IL22RA2: variants seen among roughly 807,000 people sequenced by gnomAD.
IL22RA2 encodes the protein interleukin 22 receptor subunit alpha 2, also known as interleukin-22 receptor subunit alpha-2.
IL22RA2 carries 39 observed loss-of-function variants against 30.7 expected under a neutral mutation model. The ratio of observed to expected loss-of-function variants is 1.27; its 90% CI spans 0.98 to 1.66. IL22RA2 has a LOEUF of 1.66. Among genes scored for constraint, IL22RA2 ranks in the 40% most tolerant of loss-of-function variants. The pLI, the probability that IL22RA2 is intolerant of heterozygous loss-of-function variation, is 0.00. For synonymous variants in IL22RA2, 103 were observed against 105.0 expected (o/e 0.98, Z 0.11); for missense variants, 315 against 312.7 (o/e 1.01, Z -0.05).
At chr6:137,164,455 G>T (rs1778587558) in intron 1 of IL22RA2, among the ~76,000 whole-genome samples, 1 of 152,204 alleles carries the variant, frequency 6.6e-6, no homozygotes, top group Admixed American at 6.5e-5. Flanking sequence ...ACAATAGAAA[G>T]AAACTGCAAG....
chr6:137,148,050 T>A (rs1778215816), intron 5 of IL22RA2, among the ~76,000 whole-genome samples, 159 bp from the exon 6 acceptor site: 1 of 152,174 alleles, frequency 6.6e-6, no homozygotes. Context: ...CTATAGCTTG[T>A]GTGGCATAGT....
intron 2 of IL22RA2, among the ~76,000 whole-genome samples, chr6:137,158,942 G>A (rs143181355): frequency 3.5e-4 from 54 of 152,150 alleles, no homozygotes; most frequent in Middle Eastern, 3.4e-3. Context: ...CCCTCCTTTC[G>A]CAGGTTCTTG....
At chr6:137,164,742 G>A (rs1778594906) in intron 1 of IL22RA2, among the ~76,000 whole-genome samples, 1 of 152,224 alleles carries the variant, frequency 6.6e-6, no homozygotes, top group African/African-American at 2.4e-5. Flanking sequence ...CCGTGCCCAA[G>A]CAATGCAGAT....
chr6:137,147,881 A>T lies in IL22RA2; in HGVS notation c.483T>A (p.Asp161Glu). 3.7e-6 allele frequency: 6 copies of T among 1,609,302 alleles called. No homozygotes were observed. Among genetic ancestry groups the T allele is most frequent in the East Asian group, 2.2e-5 (1 of 44,794 alleles). The change falls in exon 6 of 7, where the codon GAT becomes GAA. Residue 161 changes from aspartate to glutamate, a missense_variant. Asp to Glu is a conservative substitution (Grantham distance 45). Coordinates refer to ENST00000296980, the MANE Select transcript of IL22RA2 (RefSeq NM_052962.3). ...RFTPWWETKI[D>E]PPVMNITQVN... ...CTTGGGTTATATTCATGACTGGAGGATCTATTTTTGCTGAAGAAAAAACAT... is the reference window on the plus strand; with the variant it reads ...CTTGGGTTATATTCATGACTGGAGGTTCTATTTTTGCTGAAGAAAAAACAT...
At chr6:137,154,620 AACACACACACAC>A (rs10682551) in intron 5 of IL22RA2, among the ~76,000 whole-genome samples, 3 of 148,416 alleles carry the variant, frequency 2.0e-5, no homozygotes, top group African/African-American at 5.0e-5. Flanking sequence ...GTCACACACA[AACACACACACAC>A]ACACACACAC....
chr6:137,150,714 T>C (rs539251177), intron 5 of IL22RA2, among the ~76,000 whole-genome samples: 12 of 152,282 alleles, frequency 7.9e-5, no homozygotes, highest in African/African-American at 2.6e-4. Flanking sequence ...ATCACACTGA[T>C]CTGTGAATTC....
intron 6 of IL22RA2, 51 bp from the exon 7 acceptor site, chr6:137,145,824 A>C (rs944950419): frequency 1.2e-6 from 2 of 1,601,602 alleles, no homozygotes; most frequent in Non-Finnish European, 1.7e-6. Context: ...CCATTAAGTC[A>C]CAGCTGCATT....
At chr6:137,164,083 A>G (rs9494678) in intron 1 of IL22RA2, among the ~76,000 whole-genome samples, 12,061 of 152,232 alleles carry the variant, frequency 0.079, 1,169 homozygotes, top group African/African-American at 0.23. Context: ...GTGAAAGTGC[A>G]TCACAAGGGA....
intron 5 of IL22RA2, among the ~76,000 whole-genome samples, chr6:137,154,728 T>C (rs530713736): frequency 6.6e-6 from 1 of 152,200 alleles, no homozygotes; most frequent in South Asian, 2.1e-4. Flanking sequence ...GATTGCGAGA[T>C]TGGAGCAATG....
chr6:137,168,186 G>A (rs1458296132), intron 1 of IL22RA2, among the ~76,000 whole-genome samples: 1 of 152,160 alleles, frequency 6.6e-6, no homozygotes, highest in Non-Finnish European at 1.5e-5. Flanking sequence ...CTAAAACTCT[G>A]TTATACCAGA....
chr6:137,154,812 G>A, intron 5 of IL22RA2, 129 bp downstream of exon 5: 1 of 728,236 alleles, frequency 1.4e-6, no homozygotes, highest in Non-Finnish European at 2.4e-6. Context: ...GAGTTGTTCT[G>A]ACAATTAGAC....
chr6:137,146,330 C>G (rs1337285416), intron 6 of IL22RA2, among the ~76,000 whole-genome samples: 1 of 152,176 alleles, frequency 6.6e-6, no homozygotes, highest in East Asian at 1.9e-4. Context: ...CCCCACCTGG[C>G]CTTCTTTTTA....
chr6:137,151,081 T>C (rs942655300), intron 5 of IL22RA2, among the ~76,000 whole-genome samples: 1 of 152,036 alleles, frequency 6.6e-6, no homozygotes, highest in African/African-American at 2.4e-5. Context: ...ATCTGGGTGG[T>C]TAGAGAATTG....
At position 137,144,738 on chromosome 6, in the gene IL22RA2, A is replaced by G. The variant is rs986685562; in HGVS notation, c.*886T>C. On this transcript the variant is annotated 3_prime_UTR_variant, in exon 7 of 7. Transcript: ENST00000296980. ...ACCATCATTCATGGGATCCTCCTAT[A>G]TAGAGATGAGGAAGGCGCCACAAGC... The G allele has an allele frequency of 6.6e-5, 10 of 152,214 alleles. No individual in the cohort carries two copies. The highest frequency in any genetic ancestry group is 1.3e-4 in the Non-Finnish European group (9 of 68,034). 9.4% of individuals were successfully genotyped at this position (152,214 alleles called of 1,614,324 possible).
intron 5 of IL22RA2, among the ~76,000 whole-genome samples, chr6:137,151,091 G>A (rs1778280192): frequency 6.6e-6 from 1 of 152,144 alleles, no homozygotes; most frequent in Non-Finnish European, 1.5e-5. Flanking sequence ...TTAGAGAATT[G>A]CAAGGAACCC....
chr6:137,158,541 C>A (rs1164604205), intron 2 of IL22RA2, 59 bp from the exon 3 acceptor site: 1 of 1,557,148 alleles, frequency 6.4e-7, no homozygotes, highest in Non-Finnish European at 8.8e-7. Context: ...CTGTTCCCAG[C>A]AGTAGTTTTC....
chr6:137,155,240 G>A, intron 4 of IL22RA2, 121 bp from the exon 5 acceptor site: 1 of 660,642 alleles, frequency 1.5e-6, no homozygotes, highest in South Asian at 2.6e-5. Flanking sequence ...GATAGCTTAT[G>A]GCTCCTCTTC....
intron 5 of IL22RA2, among the ~76,000 whole-genome samples, chr6:137,152,399 A>G (rs995317649): frequency 6.6e-6 from 1 of 152,230 alleles, no homozygotes; most frequent in African/African-American, 2.4e-5. Flanking sequence ...AAAAAGAATG[A>G]AGTACTGATA....
In IL22RA2 at chr6:137,161,738, T is replaced by A; in HGVS notation, c.12A>T (p.Lys4Asn). 6.2e-7 allele frequency: 1 copy of A among 1,613,642 alleles called. No individual in the cohort carries two copies. The highest frequency in any genetic ancestry group is 8.5e-7 in the Non-Finnish European group (1 of 1,179,724). The stretch of plus-strand genomic sequence containing the variant: ...TGATGAGGAAGCCTAGAAAGCAATG[T>A]TTAGGCATCATGGTTGCAAGTGTGA... MMP[K>N]HCFLGFLISF... The change falls in exon 2 of 7, where the codon AAA becomes AAT. Residue 4 changes from lysine to asparagine, a missense_variant. Coordinates refer to ENST00000296980, the MANE Select transcript of IL22RA2 (RefSeq NM_052962.3).
Sources: gnomAD v4.1 joint callset for allele counts (sites outside exome capture counted in the v4.1 genomes callset) on GRCh38, gnomAD v4.1.1 for gene constraint, MANE v1.5 for transcripts, NCBI Gene and HGNC (gene_info 2026-07-23, HGNC 2026-07-21) for gene names.